RTN1: variants seen among roughly 807,000 people sequenced by gnomAD.
RTN1 encodes the protein reticulon-1.
In RTN1, 25 loss-of-function variants were observed where a neutral mutation model predicts 65.5. That is an observed-to-expected ratio of 0.38 (90% CI 0.28 to 0.53). The LOEUF (loss-of-function observed/expected upper bound fraction) is 0.53. Among genes scored for constraint, RTN1 ranks in the 20% least tolerant of loss-of-function variants. The probability of loss-of-function intolerance (pLI) is 0.79; values close to 1 mark genes in which losing one functional copy is unlikely to be tolerated. For synonymous variants in RTN1, 471 were observed against 447.6 expected, an observed-to-expected ratio of 1.05 and a Z score of -0.66; for missense variants, 983 against 1,025.4, an observed-to-expected ratio of 0.96 and a Z score of 0.57.
chr14:59,742,198 ATTTACT>A (rs1885128821), intron 2 of RTN1, among the ~76,000 whole-genome samples: 1 of 152,132 alleles, frequency 6.6e-6, no homozygotes, highest in African/African-American at 2.4e-5. Flanking sequence ...ATTTAAGTTG[ATTTACT>A]TTTAATTGCT....
intron 3 of RTN1, among the ~76,000 whole-genome samples, chr14:59,710,387 C>A (rs1884392940): frequency 6.6e-6 from 1 of 152,208 alleles, no homozygotes; most frequent in African/African-American, 2.4e-5. Context: ...GAGGAGTCTG[C>A]AGCATTCCAA....
chr14:59,809,204 A>G (rs1886686625), intron 1 of RTN1, among the ~76,000 whole-genome samples: 1 of 151,910 alleles, frequency 6.6e-6, no homozygotes, highest in South Asian at 2.1e-4. Flanking sequence ...ACTGATAACA[A>G]CTCTAGCTTT....
chr14:59,860,158 C>A (rs1887682640), intron 1 of RTN1, among the ~76,000 whole-genome samples: 1 of 152,192 alleles, frequency 6.6e-6, no homozygotes, highest in African/African-American at 2.4e-5. Context: ...CCATCACAGG[C>A]CCCAAGGCCT....
intron 1 of RTN1, among the ~76,000 whole-genome samples, chr14:59,775,671 C>T (rs1886037709): frequency 6.6e-6 from 1 of 152,122 alleles, no homozygotes; most frequent in Admixed American, 6.6e-5. Flanking sequence ...AGAAATTGAA[C>T]TGAAAAGCAA....
intron 3 of RTN1, among the ~76,000 whole-genome samples, chr14:59,625,225 C>T (rs75128537): frequency 0.018 from 2,769 of 152,178 alleles, 69 homozygotes; most frequent in African/African-American, 0.061. Context: ...TTAGGATTAT[C>T]GTTTTTTAAT....
chr14:59,771,301 C>A (rs568203420), intron 1 of RTN1, among the ~76,000 whole-genome samples: 1 of 152,296 alleles, frequency 6.6e-6, no homozygotes, highest in Admixed American at 6.5e-5. Flanking sequence ...GGGTCATCAG[C>A]TGACTTCTAA....
intron 3 of RTN1, among the ~76,000 whole-genome samples, chr14:59,692,500 A>G (rs1192421601): frequency 6.6e-6 from 1 of 152,220 alleles, no homozygotes; most frequent in East Asian, 1.9e-4. Context: ...AAAGCAGTCT[A>G]TAGATTCAAT....
chr14:59,861,897 T>C (rs1221485073), intron 1 of RTN1, among the ~76,000 whole-genome samples: 1 of 152,216 alleles, frequency 6.6e-6, no homozygotes, highest in Non-Finnish European at 1.5e-5. Flanking sequence ...GTATTATAGC[T>C]CGTCAATGTC....
At chr14:59,789,019 T>G (rs1270685429) in intron 1 of RTN1, among the ~76,000 whole-genome samples, 2 of 152,098 alleles carry the variant, frequency 1.3e-5, no homozygotes, top group African/African-American at 2.4e-5. Context: ...CAAAAGCCTT[T>G]TGTATATTAT....
intron 3 of RTN1, among the ~76,000 whole-genome samples, chr14:59,686,857 A>T (rs1407162344): frequency 2.6e-5 from 4 of 152,246 alleles, no homozygotes; most frequent in African/African-American, 4.8e-5. Flanking sequence ...AACCAAGAAC[A>T]GGACACCATT....
chr14:59,847,773 T>C (rs1394245782), intron 1 of RTN1, among the ~76,000 whole-genome samples: 2 of 152,196 alleles, frequency 1.3e-5, no homozygotes, highest in Admixed American at 6.5e-5. Flanking sequence ...CTTCCAGTGA[T>C]GGAGAACGCC....
chr14:59,683,533 C>G (rs1883785185), intron 3 of RTN1, among the ~76,000 whole-genome samples: 1 of 151,990 alleles, frequency 6.6e-6, no homozygotes, highest in Non-Finnish European at 1.5e-5. Flanking sequence ...GATCCATTCA[C>G]TGTAGAATTA....
intron 1 of RTN1, among the ~76,000 whole-genome samples, chr14:59,847,358 T>C (rs1362823823): frequency 6.6e-6 from 1 of 152,236 alleles, no homozygotes; most frequent in East Asian, 1.9e-4. Flanking sequence ...ACAATATTTT[T>C]ATCTACCAAT....
At chr14:59,664,892 G>A (rs1883333850) in intron 3 of RTN1, among the ~76,000 whole-genome samples, 1 of 152,066 alleles carries the variant, frequency 6.6e-6, no homozygotes, top group South Asian at 2.1e-4. Context: ...ATAATTATAT[G>A]TTTCATTATA....
At chr14:59,676,861 G>T (rs1883638125) in intron 3 of RTN1, among the ~76,000 whole-genome samples, 2 of 152,150 alleles carry the variant, frequency 1.3e-5, no homozygotes, top group African/African-American at 4.8e-5. Flanking sequence ...AATAACCGCA[G>T]CATTGAAAAG....
rs375930627 is a variant in RTN1 at position 59,761,961 on chromosome 14, G to A, written c.242-15480C>T. ...GCAAGCAAATGAGGATGACAACTAA[G>A]CGGTAATGCTGTTAGGAACACGACA... On this transcript the variant is annotated intron_variant, in intron 1 of 8. Coordinates refer to ENST00000267484, the MANE Select transcript of RTN1 (RefSeq NM_021136.3). Among the ~76,000 whole-genome samples, 10 of 152,332 alleles carry A rather than the reference G, an allele frequency of 6.6e-5. No individual in the cohort carries two copies. The East Asian group carries it at 1.5e-3, about 24-fold the overall frequency.
chr14:59,629,537 T>C (rs958820103), intron 3 of RTN1, among the ~76,000 whole-genome samples: 1 of 152,198 alleles, frequency 6.6e-6, no homozygotes, highest in African/African-American at 2.4e-5. Flanking sequence ...TTGTTAAATA[T>C]GAAAAGACAC....
At chr14:59,643,235 C>T (rs1304562076) in intron 3 of RTN1, among the ~76,000 whole-genome samples, 4 of 151,984 alleles carry the variant, frequency 2.6e-5, no homozygotes, top group Non-Finnish European at 5.9e-5. Flanking sequence ...TTAGGGAGAC[C>T]CTGTCTCTAC....
intron 2 of RTN1, among the ~76,000 whole-genome samples, chr14:59,741,540 C>A (rs1161662451): frequency 6.6e-6 from 1 of 152,140 alleles, no homozygotes; most frequent in African/African-American, 2.4e-5. Flanking sequence ...TGGAACAATG[C>A]CTGATGTGGA....
Sources: gnomAD v4.1 joint callset for allele counts (sites outside exome capture counted in the v4.1 genomes callset) on GRCh38, gnomAD v4.1.1 for gene constraint, MANE v1.5 for transcripts, NCBI Gene and HGNC (gene_info 2026-07-23, HGNC 2026-07-21) for gene names.